KDM7A: variants seen among roughly 807,000 people sequenced by gnomAD.
KDM7A encodes the protein lysine-specific demethylase 7A.
Under a neutral mutation model 114.8 loss-of-function variants are expected in KDM7A, and 28 were observed. The ratio of observed to expected loss-of-function variants is 0.24; its 90% confidence interval spans 0.18 to 0.33. The LOEUF (loss-of-function observed/expected upper bound fraction) is 0.33, where lower values mean the gene tolerates loss of function less well. Ranked by LOEUF, KDM7A falls within the 10% of genes least tolerant of loss-of-function variation. The pLI is 1.00. For missense variants in KDM7A, 942 were observed against 1,142.5 expected, an observed-to-expected ratio of 0.82 and a Z score of 2.53; for synonymous variants, 423 against 397.8, an observed-to-expected ratio of 1.06 and a Z score of -0.75.
chr7:140,141,766 T>C (rs1193705417), intron 1 of KDM7A, among the ~76,000 whole-genome samples: 2 of 151,366 alleles, frequency 1.3e-5, no homozygotes, highest in Admixed American at 6.6e-5. Context: ...TGTTGGCGCA[T>C]ATCTGTAATC....
rs1817991701 is a variant in KDM7A at position 140,089,868 on chromosome 7, AAAAGT to A, written c.*1221_*1225del. 1 of 152,236 alleles carries A rather than the reference AAAAGT, an allele frequency of 6.6e-6. No individual in the cohort carries two copies. The highest frequency in any genetic ancestry group is 1.5e-5 in the Non-Finnish European group (1 of 68,042). The allele number at this position is 152,236 out of a possible 1,614,324, so 9.4% of individuals were successfully genotyped here. On this transcript the variant is annotated 3_prime_UTR_variant, in exon 20 of 20. Transcript: ENST00000397560. ...ATTCTTTAGAAAATTAAGAAATAAAAAAAGTAAATACACACAAAAGATCTATTCCA... is the reference window on the plus strand; with the variant it reads ...ATTCTTTAGAAAATTAAGAAATAAAAAAATACACACAAAAGATCTATTCCA...
At chr7:140,169,517 T>A (rs1238149021) in intron 1 of KDM7A, among the ~76,000 whole-genome samples, 1 of 151,982 alleles carries the variant, frequency 6.6e-6, no homozygotes, top group Non-Finnish European at 1.5e-5. Context: ...TACCCCAAAC[T>A]AATGGGGTTT....
intron 8 of KDM7A, 142 bp from the exon 9 acceptor site, chr7:140,119,361 G>A: frequency 2.0e-6 from 1 of 494,248 alleles, no homozygotes; most frequent in Non-Finnish European, 3.6e-6. Context: ...CATCACATTT[G>A]GACAAGACTG....
At chr7:140,105,822 T>G (rs1342306963) in intron 11 of KDM7A, among the ~76,000 whole-genome samples, 1 of 152,178 alleles carries the variant, frequency 6.6e-6, no homozygotes, top group Non-Finnish European at 1.5e-5. Context: ...TTAGGGAGGA[T>G]TCCCTCTTTT....
chr7:140,126,841 T>C lies in KDM7A; in HGVS notation c.702-18A>G. On this transcript the variant is annotated intron_variant, in intron 5 of 19. Transcript: ENST00000397560. ...CAGACATCCTTTCAAAAAACAAACATACACACACACCCACATCATGCAAAT... is the reference window on the plus strand; with the variant it reads ...CAGACATCCTTTCAAAAAACAAACACACACACACACCCACATCATGCAAAT... The C allele has an allele frequency of 1.3e-6, 2 of 1,582,074 alleles. No individual in the cohort carries two copies. Among genetic ancestry groups the C allele is most frequent in the Non-Finnish European group, 1.7e-6 (2 of 1,154,488 alleles).
intron 1 of KDM7A, among the ~76,000 whole-genome samples, chr7:140,171,064 CCAACAACAACAA>C (rs71520073): frequency 2.4e-4 from 36 of 150,320 alleles, no homozygotes; most frequent in African/African-American, 7.6e-4. Context: ...CCCCCATCCC[CCAACAACAACAA>C]CAACAACAAC....
intron 12 of KDM7A, among the ~76,000 whole-genome samples, chr7:140,100,434 C>G (rs1818181355): frequency 6.6e-6 from 1 of 151,846 alleles, no homozygotes; most frequent in African/African-American, 2.4e-5. Context: ...TAGTCAGCAA[C>G]TTATAGCTCA....
chr7:140,110,133 A>T (rs1305231515), intron 11 of KDM7A, among the ~76,000 whole-genome samples: 1 of 90,784 alleles, frequency 1.1e-5, no homozygotes, highest in Non-Finnish European at 2.1e-5. Flanking sequence ...GAGCTGACTG[A>T]CACTCCCATT....
At chr7:140,162,939 C>G (rs1211809962) in intron 1 of KDM7A, among the ~76,000 whole-genome samples, 1 of 151,288 alleles carries the variant, frequency 6.6e-6, no homozygotes, top group Non-Finnish European at 1.5e-5. Flanking sequence ...ATGAGAAGCT[C>G]TCTGAGATAT....
chr7:140,119,786 T>G (rs763761049), intron 8 of KDM7A, among the ~76,000 whole-genome samples: 2 of 152,212 alleles, frequency 1.3e-5, no homozygotes, highest in Admixed American at 6.5e-5. Flanking sequence ...CACACACAGA[T>G]GCATAGCTTC....
chr7:140,112,658 ATATG>A (rs1184591105), intron 10 of KDM7A, among the ~76,000 whole-genome samples: 1 of 152,160 alleles, frequency 6.6e-6, no homozygotes, highest in African/African-American at 2.4e-5. Context: ...ATCAGCTCAC[ATATG>A]TATGTATCAC....
In KDM7A at chr7:140,126,759, G is replaced by A; in HGVS notation, c.766C>T (p.Pro256Ser). The A allele has an allele frequency of 6.2e-7, 1 of 1,613,816 alleles. No individual in the cohort carries two copies. The highest frequency in any genetic ancestry group is 8.5e-7 in the Non-Finnish European group (1 of 1,179,830). The change falls in exon 6 of 20, where the codon CCA becomes TCA. Residue 256 changes from proline (P) to serine (S), a missense_variant. Pro to Ser is a moderately conservative substitution (Grantham distance 74). Transcript: ENST00000397560. ...GGCTTGGGAAAGACTGAATCATCTG[G>A]CCAATAATTTTCCACCCAGGAAAGT... is the stretch of plus-strand genomic sequence containing the variant. ...KKLSWVENYW[P>S]DDSVFPKPFV...
At chr7:140,148,927 G>C (rs1794370469) in intron 1 of KDM7A, among the ~76,000 whole-genome samples, 1 of 152,096 alleles carries the variant, frequency 6.6e-6, no homozygotes, top group Non-Finnish European at 1.5e-5. Context: ...CATACTATAT[G>C]CTTAAGGGGT....
intron 3 of KDM7A, among the ~76,000 whole-genome samples, chr7:140,131,611 CTGT>C (rs1818787879): frequency 6.6e-6 from 1 of 152,184 alleles, no homozygotes; most frequent in Non-Finnish European, 1.5e-5. Context: ...AACTGGAGCT[CTGT>C]ATTACCTCTT....
chr7:140,171,425 C>A (rs1376288402), intron 1 of KDM7A, among the ~76,000 whole-genome samples: 1 of 150,248 alleles, frequency 6.7e-6, no homozygotes, highest in African/African-American at 2.4e-5. Flanking sequence ...GCCGAGATTG[C>A]GCCACTGCAC....
chr7:140,104,467 T>A (rs1818292308), intron 11 of KDM7A, among the ~76,000 whole-genome samples: 2 of 152,242 alleles, frequency 1.3e-5, no homozygotes, highest in African/African-American at 4.8e-5. Flanking sequence ...TTAATCCATC[T>A]TGAACTAATT....
chr7:140,109,073 C>A (rs755535894), intron 11 of KDM7A, among the ~76,000 whole-genome samples: 1 of 152,138 alleles, frequency 6.6e-6, no homozygotes, highest in Non-Finnish European at 1.5e-5. Context: ...TCGGAGCCAG[C>A]GCAGGATATA....
chr7:140,160,359 G>A (rs1482625759), intron 1 of KDM7A, among the ~76,000 whole-genome samples: 2 of 152,168 alleles, frequency 1.3e-5, no homozygotes, highest in African/African-American at 2.4e-5. Context: ...GTTACTTGAA[G>A]TCCTAAGAAG....
rs754778085 is a variant in KDM7A at position 140,176,773 on chromosome 7, G to A, written c.165C>T (p.Cys55=). The A allele has an allele frequency of 8.5e-6, 12 of 1,411,162 alleles. No homozygotes were observed. The highest frequency in any genetic ancestry group is 7.7e-5 in the South Asian group (6 of 78,260). 87.4% of individuals were successfully genotyped at this position (1,411,162 alleles called of 1,614,324 possible). The part of the protein sequence containing the change: ...PYDVNRFMIE[C]DICKDWFHGS... The stretch of plus-strand genomic sequence containing the variant: ...CGTGGAACCAGTCCTTGCAGATATC[G>A]CACTCGATCATGAAGCGGTTCACGT... The change falls in exon 1 of 20, where the codon TGC becomes TGT. Residue 55 remains cysteine (C), a synonymous_variant. Transcript: ENST00000397560. This position sits in a 1 kb window ranked among gnomAD's most constrained non-coding sequence, Gnocchi z 4.4.
Sources: allele counts gnomAD v4.1 joint callset (sites outside exome capture counted in the v4.1 genomes callset), GRCh38; gene constraint gnomAD v4.1.1; non-coding constraint Gnocchi (gnomAD v3.1); transcripts MANE v1.5; gene names NCBI Gene and HGNC (gene_info 2026-07-23, HGNC 2026-07-21).